The following MBTPS1 variants were observed in gnomAD, a reference collection of about 807,000 sequenced individuals.
MBTPS1 encodes the protein membrane bound transcription factor peptidase, site 1, also known as membrane-bound transcription factor site-1 protease.
Under a neutral mutation model 127.8 loss-of-function variants are expected in MBTPS1, and 94 were observed. The observed-to-expected ratio is 0.74, with a 90% CI of 0.62 to 0.87. The LOEUF (loss-of-function observed/expected upper bound fraction) is 0.87, where lower values mean the gene tolerates loss of function less well. MBTPS1 is among the 40% of genes least tolerant of loss of function. The pLI is 0.00. For missense variants in MBTPS1, 1,636 were observed against 1,353.2 expected (o/e 1.21, Z -3.28); for synonymous variants, 632 against 509.4 (o/e 1.24, Z -3.24).
intron 6 of MBTPS1, 102 bp from the exon 7 acceptor site, chr16:84,091,950 C>T: frequency 4.1e-6 from 3 of 724,396 alleles, no homozygotes; most frequent in Admixed American, 2.3e-5. Context: ...AAGTAGTTCT[C>T]TTAATTTTTT....
chr16:84,106,704 A>G (rs1045278995), intron 1 of MBTPS1, among the ~76,000 whole-genome samples: 16 of 152,214 alleles, frequency 1.1e-4, no homozygotes, highest in African/African-American at 3.9e-4. Flanking sequence ...CTTGTGTTTT[A>G]GCCAGATCGC....
intron 10 of MBTPS1, among the ~76,000 whole-genome samples, chr16:84,083,291 G>C (rs2085968930): frequency 6.6e-6 from 1 of 152,226 alleles, no homozygotes; most frequent in African/African-American, 2.4e-5. Context: ...TTCCTCACTT[G>C]ATATAACACT....
At chr16:84,112,645 G>C (rs977952254) in intron 1 of MBTPS1, among the ~76,000 whole-genome samples, 3 of 140,696 alleles carry the variant, frequency 2.1e-5, no homozygotes, top group Non-Finnish European at 3.0e-5. Flanking sequence ...CCGGGCAACA[G>C]AGCGAGACTC....
chr16:84,070,808 A>C, intron 12 of MBTPS1, 32 bp from the exon 13 acceptor site: 1 of 1,561,384 alleles, frequency 6.4e-7, no homozygotes, highest in Non-Finnish European at 8.7e-7. Context: ...CAAAGGCTAA[A>C]GTGAAAAGCT....
At chr16:84,061,894 A>T (rs1327907391) in intron 19 of MBTPS1, among the ~76,000 whole-genome samples, 2 of 152,170 alleles carry the variant, frequency 1.3e-5, no homozygotes, top group Non-Finnish European at 2.9e-5. Flanking sequence ...GAAAAATGCC[A>T]TTAAGTACTT....
chr16:84,101,540 T>C (rs890406823), intron 2 of MBTPS1, 81 bp downstream of exon 2: 1 of 1,222,936 alleles, frequency 8.2e-7, no homozygotes, highest in Non-Finnish European at 1.1e-6. Flanking sequence ...GAACATGTTA[T>C]TCAGCAATAG....
chr16:84,079,518 A>G (rs940366501), intron 11 of MBTPS1, among the ~76,000 whole-genome samples: 1 of 152,252 alleles, frequency 6.6e-6, no homozygotes, highest in Non-Finnish European at 1.5e-5. Context: ...GTAGGGCCAA[A>G]GATAATGACG....
At chr16:84,086,974 C>A (rs946560077) in intron 9 of MBTPS1, among the ~76,000 whole-genome samples, 8 of 152,024 alleles carry the variant, frequency 5.3e-5, no homozygotes, top group African/African-American at 1.9e-4. Flanking sequence ...TTAAGGCTCC[C>A]CTCCCCCAAA....
chr16:84,111,233 G>C (rs2326165), intron 1 of MBTPS1, among the ~76,000 whole-genome samples: 41,814 of 152,158 alleles, frequency 0.27, 5,899 homozygotes, highest in East Asian at 0.35. Context: ...GGTAGTAATA[G>C]ATGTGATGAT....
At chr16:84,080,116 C>T (rs1243655703) in intron 11 of MBTPS1, among the ~76,000 whole-genome samples, 1 of 152,168 alleles carries the variant, frequency 6.6e-6, no homozygotes, top group Non-Finnish European at 1.5e-5. Flanking sequence ...CTAGATGGAG[C>T]TCCCAACAGC....
intron 10 of MBTPS1, among the ~76,000 whole-genome samples, chr16:84,083,674 A>G (rs1210692011): frequency 6.6e-6 from 1 of 152,214 alleles, no homozygotes; most frequent in Non-Finnish European, 1.5e-5. Flanking sequence ...ACTTAAAGAG[A>G]ACTTAAAATA....
chr16:84,062,333 C>A (rs1278298407), intron 19 of MBTPS1, among the ~76,000 whole-genome samples: 11 of 152,146 alleles, frequency 7.2e-5, no homozygotes, highest in Non-Finnish European at 1.3e-4. Context: ...GTTGGCCAGG[C>A]TGGTCATGAA....
At chr16:84,065,568 G>A (rs1359094251) in intron 18 of MBTPS1, 122 bp downstream of exon 18, 1 of 717,302 alleles carries the variant, frequency 1.4e-6, no homozygotes, top group Non-Finnish European at 2.5e-6. Flanking sequence ...GTTATGGTAT[G>A]TAAATTATAT....
At chr16:84,054,855 G>C (rs936308999) in intron 22 of MBTPS1, among the ~76,000 whole-genome samples, 1 of 152,216 alleles carries the variant, frequency 6.6e-6, no homozygotes, top group African/African-American at 2.4e-5. Flanking sequence ...ACTTCCTGTG[G>C]GGTGGAGGCT....
At chr16:84,060,981 A>G in intron 19 of MBTPS1, 168 bp from the exon 20 acceptor site, 2 of 556,768 alleles carry the variant, frequency 3.6e-6, no homozygotes, top group Non-Finnish European at 3.1e-6. Context: ...CTGAAGGCAC[A>G]TGACAGCATG....
Position 84,074,640 on chromosome 16 carries a change from G to C in MBTPS1, c.1550C>G (p.Thr517Ser). Residue 517 changes from threonine to serine, a missense_variant, in exon 12 of 23, where the codon ACC becomes AGC. By Grantham distance (58) the Thr-to-Ser change is moderately conservative. Transcript: ENST00000343411. ...YGGMPTVVNVTILNGMGVTGR... is the reference protein window; with the variant it reads ...YGGMPTVVNVSILNGMGVTGR... ...TGTGACTCCCATGCCGTTGAGGATG[G>C]TGACATTAACAACTGTCGGCATTCC... The C allele has an allele frequency of 6.2e-7, 1 of 1,614,122 alleles. No homozygotes were observed.
chr16:84,055,185 G>A (rs57695024), intron 22 of MBTPS1, among the ~76,000 whole-genome samples: 5 of 152,340 alleles, frequency 3.3e-5, no homozygotes, highest in African/African-American at 7.2e-5. Context: ...ATGTCAATAC[G>A]ACTGGGCAAG....
chr16:84,070,008 C>A lies in MBTPS1; in HGVS notation c.1813G>T (p.Val605Leu), dbSNP rs1368552019. 1.2e-6 allele frequency: 2 copies of A among 1,613,138 alleles called. No homozygotes were observed. The highest frequency in any genetic ancestry group is 1.7e-6 in the Non-Finnish European group (2 of 1,179,830). The change falls in exon 14 of 23, where the codon GTA becomes TTA. Residue 605 changes from valine (V) to leucine (L), a missense_variant. Val to Leu is a conservative substitution (Grantham distance 32). Coordinates refer to ENST00000343411, the MANE Select transcript of MBTPS1 (RefSeq NM_003791.4). ...ATCTTCACCTTAATGGGGAGCTTTA[C>A]TGTTGAAGTCTGTTCTGCACCATTT... ...SKNGAEQTSTVKLPIKVKIIP... is the reference protein window; with the variant it reads ...SKNGAEQTSTLKLPIKVKIIP...
At chr16:84,094,917 G>A (rs867416664) in intron 4 of MBTPS1, among the ~76,000 whole-genome samples, 1 of 152,172 alleles carries the variant, frequency 6.6e-6, no homozygotes. Flanking sequence ...GAAAGACACC[G>A]AGGCAAACTG....
Sources: allele counts gnomAD v4.1 joint callset (sites outside exome capture counted in the v4.1 genomes callset), GRCh38; gene constraint gnomAD v4.1.1; transcripts MANE v1.5; gene names NCBI Gene and HGNC (gene_info 2026-07-23, HGNC 2026-07-21).